PSPC1: variants seen among roughly 807,000 people sequenced by gnomAD.
The protein encoded by PSPC1 is paraspeckle component 1.
A neutral mutation model predicts 51.6 loss-of-function variants in PSPC1; 14 were observed. That is an observed-to-expected ratio of 0.27 (90% CI 0.18 to 0.42). PSPC1 has a LOEUF of 0.42. Ranked by LOEUF, PSPC1 falls within the 10% of genes least tolerant of loss-of-function variation. The pLI, the probability that PSPC1 is intolerant of heterozygous loss-of-function variation, is 1.00. For synonymous variants in PSPC1, 193 were observed against 231.9 expected (o/e 0.83, Z 1.53); for missense variants, 406 against 701.1 (o/e 0.58, Z 4.75).
Position 19,709,612 on chromosome 13 carries a change from A to G in PSPC1, c.1159-13T>C. 6.3e-7 allele frequency: 1 copy of G among 1,597,238 alleles called. No homozygotes were observed. The highest frequency in any genetic ancestry group is 8.5e-7 in the Non-Finnish European group (1 of 1,171,320). ...TTTCCTGTTCTCTCTGTAAGTAAAC[A>G]TAGTTGTCACAGTCAACCTATCGAT... is the stretch of plus-strand genomic sequence containing the variant. On this transcript the variant is annotated splice_polypyrimidine_tract_variant and intron_variant, in intron 6 of 8. Transcript: ENST00000338910.
chr13:19,688,211 G>A (rs970518262), intron 6 of PSPC1, among the ~76,000 whole-genome samples: 3 of 151,974 alleles, frequency 2.0e-5, no homozygotes, highest in African/African-American at 7.3e-5. Context: ...CGAACTCCCT[G>A]TAACACACTT....
rs368660263 is a variant in PSPC1 at position 19,711,811 on chromosome 13, T to G, written c.1159-2212A>C. Among the ~76,000 whole-genome samples the G allele has an allele frequency of 4.6e-3, 692 of 150,138 alleles. 5 individuals are homozygous for G. The highest frequency in any genetic ancestry group is 0.027 in the South Asian group (126 of 4,738). On this transcript the variant is annotated intron_variant, in intron 6 of 8. Transcript: ENST00000338910. ...ATGAACCAAGATTGCACTATTGCAC[T>G]CCAGCCTGGGTAACAAGAGCAAAAC... is the stretch of plus-strand genomic sequence containing the variant.
At chr13:19,722,708 C>G (rs1882917714) in intron 6 of PSPC1, among the ~76,000 whole-genome samples, 1 of 152,006 alleles carries the variant, frequency 6.6e-6, no homozygotes, top group African/African-American at 2.4e-5. Flanking sequence ...GCAGAAGAAT[C>G]ACTTGAACCT....
chr13:19,737,715 T>C (rs1884996218), intron 5 of PSPC1, among the ~76,000 whole-genome samples: 1 of 152,200 alleles, frequency 6.6e-6, no homozygotes, highest in East Asian at 1.9e-4. Context: ...GTAGCAATTA[T>C]TATTAAAGAT....
At chr13:19,770,374 G>C (rs544081494) in intron 2 of PSPC1, among the ~76,000 whole-genome samples, 4 of 152,292 alleles carry the variant, frequency 2.6e-5, no homozygotes, top group Admixed American at 2.6e-4. Flanking sequence ...AACTCACTGA[G>C]CTCAGCCGGG....
chr13:19,673,295 C>T (rs1876259815), downstream of PSPC1: 1 of 358,350 alleles, frequency 2.8e-6, no homozygotes, highest in Middle Eastern at 4.1e-4. Flanking sequence ...TTGTTTTGTT[C>T]CTCATTAGTT....
intron 1 of PSPC1, among the ~76,000 whole-genome samples, chr13:19,777,647 G>T (rs943343836): frequency 1.3e-5 from 2 of 151,750 alleles, no homozygotes; most frequent in South Asian, 2.1e-4. Context: ...TGAAGTGTTT[G>T]CCCTAAAAAA....
intron 7 of PSPC1, among the ~76,000 whole-genome samples, chr13:19,708,129 A>G (rs1197105755): frequency 6.6e-6 from 1 of 152,232 alleles, no homozygotes; most frequent in Non-Finnish European, 1.5e-5. Flanking sequence ...TGACCAAGTA[A>G]AACAGCAATA....
At chr13:19,714,115 G>T (rs1005578679) in intron 6 of PSPC1, among the ~76,000 whole-genome samples, 1 of 152,078 alleles carries the variant, frequency 6.6e-6, no homozygotes, top group African/African-American at 2.4e-5. Flanking sequence ...TCTATCCATG[G>T]GTACATGCTT....
At chr13:19,737,838 G>A (rs1023503440) in intron 5 of PSPC1, among the ~76,000 whole-genome samples, 2 of 152,044 alleles carry the variant, frequency 1.3e-5, no homozygotes, top group African/African-American at 4.8e-5. Context: ...TAATATCAGC[G>A]CTTTCGGAGG....
At chr13:19,757,030 T>C (rs1268394440) in intron 3 of PSPC1, among the ~76,000 whole-genome samples, 4 of 150,562 alleles carry the variant, frequency 2.7e-5, no homozygotes, top group Non-Finnish European at 5.9e-5. Context: ...CTTGGGATGC[T>C]GAGGCAGGCG....
chr13:19,706,775 G>C (rs1034947134), intron 7 of PSPC1, among the ~76,000 whole-genome samples: 7 of 152,028 alleles, frequency 4.6e-5, no homozygotes, highest in Non-Finnish European at 4.4e-5. Context: ...TCATTACATA[G>C]GTCAATTTTC....
chr13:19,689,173 G>GGGTA (rs1478502572), intron 6 of PSPC1, among the ~76,000 whole-genome samples: 7 of 152,192 alleles, frequency 4.6e-5, no homozygotes, highest in Non-Finnish European at 1.0e-4. Flanking sequence ...GAGGTCTGAA[G>GGGTA]GGTACAGTTC....
intron 1 of PSPC1, among the ~76,000 whole-genome samples, chr13:19,776,519 T>G (rs372864364): frequency 6.7e-6 from 1 of 149,172 alleles, no homozygotes. Flanking sequence ...ATATGCAAAT[T>G]TTTTTTTTTT....
intron 6 of PSPC1, among the ~76,000 whole-genome samples, chr13:19,711,650 A>AG (rs1225299217): frequency 2.7e-5 from 4 of 149,916 alleles, no homozygotes; most frequent in Admixed American, 2.0e-4. Flanking sequence ...AAAAAAAAAA[A>AG]AAAAAAAAAA....
chr13:19,674,913 TACACAGCAAAG>T (rs1403431488), exon 8 of PSPC1: 1 of 152,244 alleles, frequency 6.6e-6, no homozygotes, highest in East Asian at 1.9e-4. Flanking sequence ...TAATGGTCCT[TACACAGCAAAG>T]TTGGGATTTC....
intron 6 of PSPC1, among the ~76,000 whole-genome samples, chr13:19,724,855 C>G (rs1176462002): frequency 1.3e-5 from 2 of 152,052 alleles, no homozygotes; most frequent in East Asian, 3.9e-4. Flanking sequence ...AAAAATTACC[C>G]AGGCGTGGTG....
Position 19,782,649 on chromosome 13 carries a change from T to G in PSPC1, c.109A>C (p.Met37Leu). Residue 37 changes from methionine (M) to leucine (L), a missense_variant, in exon 1 of 9, where the codon ATG (methionine) becomes CTG (leucine). By Grantham distance (15) the Met-to-Leu change is conservative (BLOSUM62 2). Around this residue, in one of 5 missense-constraint regions of PSPC1, gnomAD observed 128 missense variants for 107.1 expected, o/e 1.20. Coordinates refer to ENST00000338910, the MANE Select transcript of PSPC1 (RefSeq NM_001354909.2). The surrounding 1 kb of genome is among the most constrained non-coding windows in gnomAD (Gnocchi z 4.5). ...GESEPAAAAA[M>L]ALALAGEPAP... is the part of the protein sequence containing the mutation. Reference sequence around the variant, plus strand: ...GGCTCCCCGGCAAGAGCGAGCGCCATGGCTGCCGCGGCCGCCGGCTCGCTC... The same window carrying G: ...GGCTCCCCGGCAAGAGCGAGCGCCAGGGCTGCCGCGGCCGCCGGCTCGCTC... The G allele has an allele frequency of 6.4e-7, 1 of 1,557,420 alleles. No individual in the cohort carries two copies. Among genetic ancestry groups the G allele is most frequent in the Non-Finnish European group, 8.6e-7 (1 of 1,160,730 alleles).
At position 19,690,092 on chromosome 13, in the gene PSPC1, C is replaced by A. The variant is rs368050379; in HGVS notation, c.1159-12269G>T. ...CTATTAATTACATGCTTTTTCTCCTCCCAGTATTTGTAAAAGAGTTTTTCA... is the reference window on the plus strand; with the variant it reads ...CTATTAATTACATGCTTTTTCTCCTACCAGTATTTGTAAAAGAGTTTTTCA... On this transcript the variant is annotated intron_variant and NMD_transcript_variant, in intron 6 of 7. Transcript: ENST00000471658. 2.7e-4 allele frequency among the ~76,000 whole-genome samples: 41 copies of A among 152,278 alleles called. No individual in the cohort carries two copies. In the East Asian group the frequency reaches 6.9e-3, roughly 26 times the overall value.
Sources: allele counts gnomAD v4.1 joint callset (sites outside exome capture counted in the v4.1 genomes callset), GRCh38; gene constraint gnomAD v4.1.1; regional missense constraint gnomAD v4.1.1; non-coding constraint Gnocchi (gnomAD v3.1); transcripts MANE v1.5; gene names NCBI Gene and HGNC (gene_info 2026-07-23, HGNC 2026-07-21).